DOCK3: variants seen among roughly 807,000 people sequenced by gnomAD.
DOCK3 encodes the protein dedicator of cytokinesis 3.
DOCK3 carries 60 observed loss-of-function variants against 265.6 expected under a neutral mutation model. That is an observed-to-expected ratio of 0.23 (90% CI 0.18 to 0.28). The LOEUF is 0.28. Ranked by LOEUF, DOCK3 falls within the 10% of genes least tolerant of loss-of-function variation. The pLI, the probability that DOCK3 is intolerant of heterozygous loss-of-function variation, is 1.00. For synonymous variants in DOCK3, 881 were observed against 938.0 expected, an observed-to-expected ratio of 0.94 and a Z score of 1.11; for missense variants, 1,981 against 2,594.3, an observed-to-expected ratio of 0.76 and a Z score of 5.14.
chr3:51,269,498 T>C (rs1194743519), intron 23 of DOCK3, among the ~76,000 whole-genome samples: 4 of 152,178 alleles, frequency 2.6e-5, no homozygotes, highest in Admixed American at 6.6e-5. Context: ...AGAATTCATA[T>C]AAGTTCTCCA....
At chr3:51,274,967 T>A in intron 24 of DOCK3, 112 bp from the exon 25 acceptor site, 1 of 1,344,918 alleles carries the variant, frequency 7.4e-7, no homozygotes, top group Admixed American at 1.7e-5. Context: ...ACTTTTGCTC[T>A]AGTCTGAACC....
intron 4 of DOCK3, among the ~76,000 whole-genome samples, chr3:50,907,807 G>A (rs1238501306): frequency 2.0e-5 from 3 of 151,934 alleles, no homozygotes; most frequent in Middle Eastern, 3.2e-3. Context: ...ATGTTAGCTG[G>A]TACCAGCTCT....
chr3:51,149,752 T>C (rs986449560), intron 10 of DOCK3, among the ~76,000 whole-genome samples: 6 of 152,238 alleles, frequency 3.9e-5, no homozygotes, highest in Non-Finnish European at 8.8e-5. Flanking sequence ...CAGTATTTTA[T>C]TGAGGATTTT....
At chr3:51,343,406 G>A (rs1335437156) in intron 38 of DOCK3, among the ~76,000 whole-genome samples, 1 of 152,176 alleles carries the variant, frequency 6.6e-6, no homozygotes, top group African/African-American at 2.4e-5. Flanking sequence ...TGAAACAAAT[G>A]TCCTCCAGTG....
At chr3:51,033,444 T>G (rs1468324430) in intron 5 of DOCK3, among the ~76,000 whole-genome samples, 1 of 152,232 alleles carries the variant, frequency 6.6e-6, no homozygotes, top group East Asian at 1.9e-4. Context: ...TTGCTTTGAT[T>G]GTGCTTTGTC....
chr3:50,822,389 G>A (rs771938532), intron 2 of DOCK3, among the ~76,000 whole-genome samples: 2 of 152,118 alleles, frequency 1.3e-5, no homozygotes, highest in African/African-American at 2.4e-5. Flanking sequence ...TTGGTTATCA[G>A]TTCCAAGAGC....
At chr3:51,039,744 A>G (rs1172644365) in intron 5 of DOCK3, among the ~76,000 whole-genome samples, 2 of 151,106 alleles carry the variant, frequency 1.3e-5, no homozygotes, top group Non-Finnish European at 3.0e-5. Context: ...ATATATATCT[A>G]CTCCCAGTCT....
At chr3:50,957,093 C>T (rs2076752067) in intron 5 of DOCK3, among the ~76,000 whole-genome samples, 1 of 152,146 alleles carries the variant, frequency 6.6e-6, no homozygotes, top group Admixed American at 6.6e-5. Context: ...ATCAGTTTTT[C>T]ACTGAAGCAT....
At chr3:51,034,075 A>G (rs942179962) in intron 5 of DOCK3, among the ~76,000 whole-genome samples, 3 of 152,108 alleles carry the variant, frequency 2.0e-5, no homozygotes, top group African/African-American at 4.8e-5. Context: ...GTGTCATATT[A>G]GCTTGTTATG....
chr3:50,761,709 C>T (rs1257823304), intron 1 of DOCK3, among the ~76,000 whole-genome samples: 1 of 152,128 alleles, frequency 6.6e-6, no homozygotes, highest in Non-Finnish European at 1.5e-5. Context: ...TTTTTGGTGT[C>T]GTTAGGCTAA....
At chr3:50,936,718 C>T (rs1425868133) in intron 5 of DOCK3, among the ~76,000 whole-genome samples, 1 of 151,964 alleles carries the variant, frequency 6.6e-6, no homozygotes, top group East Asian at 1.9e-4. Flanking sequence ...AAATATGCTT[C>T]AAGAATGAAT....
chr3:51,248,917 C>T (rs1432176201), intron 22 of DOCK3, among the ~76,000 whole-genome samples: 9 of 150,762 alleles, frequency 6.0e-5, no homozygotes, highest in South Asian at 2.1e-4. Flanking sequence ...CGTCTCTGCC[C>T]GGCCGCCCCA....
intron 48 of DOCK3, 88 bp from the exon 49 acceptor site, chr3:51,362,439 C>A (rs188955808): frequency 6.4e-7 from 1 of 1,551,360 alleles, no homozygotes. Flanking sequence ...GGGCAGAACA[C>A]CTCAGGGCAT....
intron 3 of DOCK3, 22 bp downstream of exon 3, chr3:50,841,737 C>CTTTTTCTTTTT: frequency 1.9e-6 from 1 of 539,556 alleles, no homozygotes; most frequent in Non-Finnish European, 3.0e-6. Flanking sequence ...TTTATTGTTA[C>CTTTTTCTTTTT]CTTTTCTAAT....
At position 51,312,025 on chromosome 3, in the gene DOCK3, G is replaced by A; in HGVS notation, c.3039G>A (p.Gln1013=). The change falls in exon 29 of 53, where the codon CAG becomes CAA. Residue 1013 remains glutamine, a synonymous_variant. Coordinates refer to ENST00000266037, the MANE Select transcript of DOCK3 (RefSeq NM_004947.5). ...LTSNIIVTTV[Q]YLSSALHKNF... ...GCAGTATTATAGTCACTACTGTCCA[G>A]TACCTGTCCTCTGCACTGCACAAGA... 6.2e-7 allele frequency: 1 copy of A among 1,605,738 alleles called. No homozygotes were observed. The highest frequency in any genetic ancestry group is 8.5e-7 in the Non-Finnish European group (1 of 1,175,782).
At chr3:51,147,713 G>A (rs1037637690) in intron 10 of DOCK3, among the ~76,000 whole-genome samples, 1 of 152,142 alleles carries the variant, frequency 6.6e-6, no homozygotes, top group Non-Finnish European at 1.5e-5. Context: ...GTGTATATGT[G>A]CCACATTTTC....
At chr3:50,960,395 T>G (rs1446161184) in intron 5 of DOCK3, among the ~76,000 whole-genome samples, 1 of 152,186 alleles carries the variant, frequency 6.6e-6, no homozygotes, top group East Asian at 1.9e-4. Context: ...ATAACCATTC[T>G]CTGTGTGAGA....
At chr3:51,253,434 G>A (rs191520750) in intron 22 of DOCK3, among the ~76,000 whole-genome samples, 1 of 152,306 alleles carries the variant, frequency 6.6e-6, no homozygotes, top group Admixed American at 6.5e-5. Context: ...GTTTCAGAAG[G>A]AGTGGTACCA....
intron 5 of DOCK3, among the ~76,000 whole-genome samples, chr3:50,994,912 A>G (rs2108644261): frequency 6.6e-6 from 1 of 152,356 alleles, no homozygotes; most frequent in Non-Finnish European, 1.5e-5. Context: ...ATTAAAAGAA[A>G]GTAAGGATGA....
Sources: allele counts gnomAD v4.1 joint callset (sites outside exome capture counted in the v4.1 genomes callset), GRCh38; gene constraint gnomAD v4.1.1; transcripts MANE v1.5; gene names NCBI Gene and HGNC (gene_info 2026-07-23, HGNC 2026-07-21).